TMEM161A: variants seen among roughly 807,000 people sequenced by gnomAD.
The protein encoded by TMEM161A is transmembrane protein 161A.
Under a neutral mutation model 57.1 loss-of-function variants are expected in TMEM161A, and 46 were observed. The observed-to-expected ratio is 0.81, with a 90% confidence interval of 0.64 to 1.03. TMEM161A has a LOEUF of 1.03. TMEM161A is among the 50% of genes least tolerant of loss of function. The pLI is 0.00. For synonymous variants in TMEM161A, 288 were observed against 279.0 expected, an observed-to-expected ratio of 1.03 and a Z score of -0.32; for missense variants, 601 against 621.5, an observed-to-expected ratio of 0.97 and a Z score of 0.35.
chr19:19,132,581 C>T lies in TMEM161A; in HGVS notation c.287-73G>A. On this transcript the variant is annotated intron_variant, in intron 4 of 11. Coordinates refer to ENST00000162044, the MANE Select transcript of TMEM161A (RefSeq NM_017814.3). The surrounding 1 kb of genome is among the most constrained non-coding windows in gnomAD (Gnocchi z 4.3). ...CTAATAGAACATTCTTCCTTCAAAT[C>T]CTCCCCACCCCCATGAGGGTGTGGA... is the stretch of plus-strand genomic sequence containing the variant. 6.4e-7 allele frequency: 1 copy of T among 1,574,454 alleles called. No homozygotes were observed. The highest frequency in any genetic ancestry group is 8.6e-7 in the Non-Finnish European group (1 of 1,159,152).
intron 2 of TMEM161A, 112 bp downstream of exon 2, chr19:19,134,672 C>T (rs1225431384): frequency 5.5e-6 from 4 of 731,702 alleles, no homozygotes; most frequent in Non-Finnish European, 9.0e-6. Context: ...ACGTTTTTCC[C>T]CCCACCACCC....
rs2059912690 is a variant in TMEM161A at position 19,121,830 on chromosome 19, T to G, written c.596-11A>C. Reference sequence around the variant, plus strand: ...TCATGCTGGCCAGACCTGGGGACGATAAGAAGAGGACCGAGTAGAGTGAAT... The same window carrying G: ...TCATGCTGGCCAGACCTGGGGACGAGAAGAAGAGGACCGAGTAGAGTGAAT... On this transcript the variant is annotated splice_polypyrimidine_tract_variant and intron_variant, in intron 6 of 11. Coordinates refer to ENST00000162044, the MANE Select transcript of TMEM161A (RefSeq NM_017814.3). This position sits in a 1 kb window ranked among gnomAD's most constrained non-coding sequence, Gnocchi z 5.8. 11 of 1,613,512 alleles carry G rather than the reference T, an allele frequency of 6.8e-6. No individual in the cohort carries two copies. The East Asian group carries it at 2.5e-4, about 36-fold the overall frequency.
chr19:19,133,445 G>T, intron 2 of TMEM161A: 1 of 498,376 alleles, frequency 2.0e-6, no homozygotes, highest in Non-Finnish European at 3.5e-6. Flanking sequence ...CTCTCCTGGG[G>T]AAGCCAGTGT....
chr19:19,134,154 G>A lies in TMEM161A; in HGVS notation c.107+630C>T, dbSNP rs1599711357. 2.0e-5 allele frequency among the ~76,000 whole-genome samples: 3 copies of A among 152,042 alleles called. No individual in the cohort carries two copies. In the East Asian group the frequency reaches 5.8e-4, roughly 29 times the overall value. On this transcript the variant is annotated intron_variant, in intron 2 of 11. Transcript: ENST00000162044. The stretch of plus-strand genomic sequence containing the variant: ...AGAAAGCATCACAGACCCACGCAAG[G>A]ACAAAAACCAGAGCAGGCGAGCTCT...
intron 1 of TMEM161A, among the ~76,000 whole-genome samples, chr19:19,137,873 C>A (rs186766322): frequency 6.6e-6 from 1 of 152,304 alleles, no homozygotes; most frequent in East Asian, 1.9e-4. Flanking sequence ...CCGCGTGAGA[C>A]CTGAAGGTTC....
Position 19,119,918 on chromosome 19 carries a change from G to C in TMEM161A, c.*12C>G. The C allele has an allele frequency of 1.3e-6, 2 of 1,552,088 alleles. No homozygotes were observed. Among genetic ancestry groups the C allele is most frequent in the Non-Finnish European group, 1.7e-6 (2 of 1,148,968 alleles). Reference sequence around the variant, plus strand: ...GAACAGACCTCAGGGCCCCAGGAGGGTCTGCAGGCAGCTAGGAGCCTGCCA... The same window carrying C: ...GAACAGACCTCAGGGCCCCAGGAGGCTCTGCAGGCAGCTAGGAGCCTGCCA... On this transcript the variant is annotated 3_prime_UTR_variant, in exon 12 of 12. Coordinates refer to ENST00000162044, the MANE Select transcript of TMEM161A (RefSeq NM_017814.3).
At position 19,132,865 on chromosome 19, in the gene TMEM161A, G is replaced by T; in HGVS notation, c.189-111C>A. 1 of 932,568 alleles carries T rather than the reference G, an allele frequency of 1.1e-6. No individual in the cohort carries two copies. The highest frequency in any genetic ancestry group is 1.6e-6 in the Non-Finnish European group (1 of 630,366). The allele number at this position is 932,568 out of a possible 1,614,324, so 57.8% of individuals were successfully genotyped here. A position where few individuals can be genotyped will look rare whatever the true frequency, so the allele number is the denominator to read the frequency against. On this transcript the variant is annotated intron_variant, in intron 3 of 11. Coordinates refer to ENST00000162044, the MANE Select transcript of TMEM161A (RefSeq NM_017814.3). This position sits in a 1 kb window ranked among gnomAD's most constrained non-coding sequence, Gnocchi z 4.3. ...GGAGACCATCTCTTTCCACAACCTTGGCTCCTCTGCACACTGGGATATGGG... is the reference window on the plus strand; with the variant it reads ...GGAGACCATCTCTTTCCACAACCTTTGCTCCTCTGCACACTGGGATATGGG...
chr19:19,133,409 T>C, intron 2 of TMEM161A, 199 bp from the exon 3 acceptor site: 1 of 564,390 alleles, frequency 1.8e-6, no homozygotes, highest in Non-Finnish European at 3.2e-6. Flanking sequence ...TCCGGGGGCT[T>C]GGATACCCCT....
At chr19:19,129,357 T>C (rs1046533907) in intron 6 of TMEM161A, among the ~76,000 whole-genome samples, 18 of 152,098 alleles carry the variant, frequency 1.2e-4, no homozygotes, top group African/African-American at 4.1e-4. Flanking sequence ...AGCAGGGTCA[T>C]GTGGGCCATG....
At position 19,121,546 on chromosome 19, in the gene TMEM161A, G is replaced by A. The variant is rs148244636; in HGVS notation, c.779C>T (p.Ser260Leu). The stretch of plus-strand genomic sequence containing the variant: ...TAACTGCAGCATGGGTCTGTCCTCC[G>A]ACATGGTCAGTGCGTCCCGGTGGGT... ...AQTHRDALTM[S>L]EDRPMLQFLL... The change falls in exon 8 of 12, where the codon TCG becomes TTG. Residue 260 changes from serine to leucine, a missense_variant. Ser to Leu is a moderately radical substitution (Grantham distance 145). Coordinates refer to ENST00000162044, the MANE Select transcript of TMEM161A (RefSeq NM_017814.3). The surrounding 1 kb of genome is among the most constrained non-coding windows in gnomAD (Gnocchi z 5.8). The A allele has an allele frequency of 2.9e-5, 46 of 1,613,936 alleles. No homozygotes were observed. Among genetic ancestry groups the A allele is most frequent in the Middle Eastern group, 3.3e-4 (2 of 6,060 alleles).
intron 1 of TMEM161A, 48 bp from the exon 2 acceptor site, chr19:19,134,935 T>G (rs1481132954): frequency 7.5e-6 from 10 of 1,338,688 alleles, no homozygotes; most frequent in Non-Finnish European, 9.4e-6. Flanking sequence ...GGGTCACAAG[T>G]TCCCTCCCTC....
At chr19:19,120,358 T>C (rs1427977216) in intron 11 of TMEM161A, among the ~76,000 whole-genome samples, 175 bp from the exon 12 acceptor site, 3 of 145,924 alleles carry the variant, frequency 2.1e-5, no homozygotes, top group Non-Finnish European at 3.0e-5. Context: ...AGGCAAACCC[T>C]ACCCCAGGCC....
intron 2 of TMEM161A, among the ~76,000 whole-genome samples, chr19:19,133,675 T>C (rs991941407): frequency 2.0e-5 from 3 of 152,180 alleles, no homozygotes; most frequent in Admixed American, 2.0e-4. Flanking sequence ...TTTCACTATG[T>C]TGGCCAGGCT....
At chr19:19,127,916 G>A (rs1040699289) in intron 6 of TMEM161A, among the ~76,000 whole-genome samples, 4 of 152,048 alleles carry the variant, frequency 2.6e-5, no homozygotes, top group South Asian at 2.1e-4. Context: ...CTCCAGCCTC[G>A]GTGACAGAGT....
intron 5 of TMEM161A, 44 bp from the exon 6 acceptor site, chr19:19,130,351 T>C (rs1277209644): frequency 1.2e-6 from 2 of 1,606,398 alleles, no homozygotes; most frequent in South Asian, 1.1e-5. Flanking sequence ...ACTGCCCCAC[T>C]CTGCCCATTT....
At chr19:19,124,504 C>T (rs2059922780) in intron 6 of TMEM161A, among the ~76,000 whole-genome samples, 1 of 151,970 alleles carries the variant, frequency 6.6e-6, no homozygotes, top group African/African-American at 2.4e-5. Context: ...TGCAATTGAG[C>T]TAGAAATAAA....
rs72993466 is a variant in TMEM161A, at chr19:19,119,454, C to T, written c.*476G>A. On this transcript the variant is annotated 3_prime_UTR_variant, in exon 12 of 12. Coordinates refer to ENST00000162044, the MANE Select transcript of TMEM161A (RefSeq NM_017814.3). ...GGGCGTGAGCCGCCGAGCCTGGCCT[C>T]CTTCTTGCTCTCCTTTCTCCTCCCA... 22,090 of 162,230 alleles carry T rather than the reference C, an allele frequency of 0.14. 1,711 individuals are homozygous for T. Among genetic ancestry groups the T allele is most frequent in the African/African-American group, 0.21 (8,812 of 41,706 alleles). 10.0% of individuals were successfully genotyped at this position (162,230 alleles called of 1,614,324 possible). A position where few individuals can be genotyped will look rare whatever the true frequency, so the allele number is the denominator to read the frequency against.
chr19:19,126,436 A>G (rs779676331), intron 6 of TMEM161A, among the ~76,000 whole-genome samples: 13 of 152,114 alleles, frequency 8.5e-5, no homozygotes, highest in Non-Finnish European at 1.6e-4. Flanking sequence ...AATATAAAAT[A>G]TAAAATGGGC....
At position 19,121,106 on chromosome 19, in the gene TMEM161A, C is replaced by T; in HGVS notation, c.975G>A (p.Leu325=). 1 of 1,611,690 alleles carries T rather than the reference C, an allele frequency of 6.2e-7. No individual in the cohort carries two copies. The highest frequency in any genetic ancestry group is 2.2e-5 in the East Asian group (1 of 44,840). Reference sequence around the variant, plus strand: ...GGTGGGGCCGGGTCACCGCCAGCCGCAGCAGGCACAGCACCACCAGCAACC... The same window carrying T: ...GGTGGGGCCGGGTCACCGCCAGCCGTAGCAGGCACAGCACCACCAGCAACC... ...RLWLLVVLCL[L]RLAVTRPHLQ... The change falls in exon 10 of 12, where the codon CTG becomes CTA. Residue 325 remains leucine (L), a synonymous_variant. Coordinates refer to ENST00000162044, the MANE Select transcript of TMEM161A (RefSeq NM_017814.3). The surrounding 1 kb of genome is among the most constrained non-coding windows in gnomAD (Gnocchi z 5.8).
Sources: gnomAD v4.1 joint callset for allele counts (sites outside exome capture counted in the v4.1 genomes callset) on GRCh38, gnomAD v4.1.1 for gene constraint, Gnocchi (gnomAD v3.1) non-coding constraint, MANE v1.5 for transcripts, NCBI Gene and HGNC (gene_info 2026-07-23, HGNC 2026-07-21) for gene names.